Variants in EXOC4 observed in about 807,000 individuals in gnomAD.
The protein encoded by EXOC4 is exocyst complex component 4.
In EXOC4, 71 loss-of-function variants were observed where a neutral mutation model predicts 107.2. The observed-to-expected ratio is 0.66, with a 90% confidence interval of 0.55 to 0.81. The LOEUF is 0.81. Ranked by LOEUF, EXOC4 falls within the 30% of genes least tolerant of loss-of-function variation. The probability of loss-of-function intolerance (pLI) is 0.00; values close to 1 mark genes in which losing one functional copy is unlikely to be tolerated. For synonymous variants in EXOC4, 456 were observed against 441.2 expected (o/e 1.03, Z -0.42); for missense variants, 1,108 against 1,189.6 (o/e 0.93, Z 1.01).
intron 9 of EXOC4, among the ~76,000 whole-genome samples, chr7:133,520,668 G>A (rs993478665): frequency 2.6e-4 from 39 of 151,968 alleles, no homozygotes; most frequent in Non-Finnish European, 1.5e-4. Context: ...TCAATTACAG[G>A]GGAGATCTTT....
chr7:133,698,281 C>T (rs758169031), intron 10 of EXOC4, among the ~76,000 whole-genome samples: 2 of 151,998 alleles, frequency 1.3e-5, no homozygotes, highest in Non-Finnish European at 2.9e-5. Context: ...AGTGCCTTCA[C>T]TTCTGTGTTG....
intron 10 of EXOC4, among the ~76,000 whole-genome samples, chr7:133,685,797 G>GT (rs1794285491): frequency 6.6e-6 from 1 of 152,092 alleles, no homozygotes; most frequent in Non-Finnish European, 1.5e-5. Context: ...ATATTGCGTA[G>GT]TGGTGCAGTC....
intron 13 of EXOC4, among the ~76,000 whole-genome samples, chr7:133,932,562 C>T (rs754692012): frequency 6.6e-6 from 1 of 152,190 alleles, no homozygotes; most frequent in African/African-American, 2.4e-5. Flanking sequence ...TCTATACTAT[C>T]TCCAAATATA....
chr7:134,085,551 C>G, the EXOC4 span, among the ~76,000 whole-genome samples: 1 of 152,184 alleles, frequency 6.6e-6, no homozygotes, highest in African/African-American at 2.4e-5. Context: ...AAATGAGCAG[C>G]CTTACAGCCA....
At chr7:133,505,254 A>G (rs1418590092) in intron 9 of EXOC4, among the ~76,000 whole-genome samples, 5 of 152,080 alleles carry the variant, frequency 3.3e-5, no homozygotes, top group African/African-American at 9.7e-5. Context: ...CATTTAAATG[A>G]GTTCTTAATG....
At chr7:133,268,822 C>T (rs1370009806) in intron 1 of EXOC4, among the ~76,000 whole-genome samples, 1 of 151,894 alleles carries the variant, frequency 6.6e-6, no homozygotes, top group Non-Finnish European at 1.5e-5. Context: ...TCCTTTTAGC[C>T]CTTTAGGTAA....
intron 14 of EXOC4, among the ~76,000 whole-genome samples, chr7:133,989,781 A>C (rs1794205548): frequency 6.6e-6 from 1 of 152,162 alleles, no homozygotes; most frequent in African/African-American, 2.4e-5. Context: ...GGAGAAAGTC[A>C]GTGTTGAGAT....
chr7:134,052,075 G>C (rs1371394339), intron 17 of EXOC4, among the ~76,000 whole-genome samples: 2 of 152,210 alleles, frequency 1.3e-5, no homozygotes, highest in East Asian at 3.8e-4. Context: ...AGGAAAAGCT[G>C]CTGTGCGTGT....
At chr7:133,599,063 AT>A (rs1381929555) in intron 9 of EXOC4, among the ~76,000 whole-genome samples, 2 of 152,168 alleles carry the variant, frequency 1.3e-5, no homozygotes, top group African/African-American at 2.4e-5. Context: ...TATGAATAAA[AT>A]ATCTCAGTTT....
chr7:134,073,656 G>A, the EXOC4 span, among the ~76,000 whole-genome samples: 1 of 149,054 alleles, frequency 6.7e-6, no homozygotes, highest in African/African-American at 2.6e-5. Context: ...TGAGAAAAAT[G>A]TCACATTCTT....
At chr7:134,092,194 G>C in the EXOC4 span, among the ~76,000 whole-genome samples, 26 of 152,112 alleles carry the variant, frequency 1.7e-4, no homozygotes, top group African/African-American at 6.3e-4. Context: ...TAGTGGTGAT[G>C]CCTCCAGAAC....
chr7:133,275,104 C>T lies in EXOC4; in HGVS notation c.209C>T (p.Thr70Met), dbSNP rs1290075190. ...ATTGTACAGCACTACACAGAATTGA[C>T]GACAGCCATTCGCACATACCAGAGC... ...ELIVQHYTEL[T>M]TAIRTYQSIT... The change falls in exon 2 of 18, where the codon ACG becomes ATG. Residue 70 changes from threonine (T) to methionine (M), a missense_variant. Thr to Met is a moderately conservative substitution (Grantham distance 81). Transcript: ENST00000253861. The T allele has an allele frequency of 3.7e-6, 6 of 1,613,608 alleles. No homozygotes were observed. Among genetic ancestry groups the T allele is most frequent in the East Asian group, 2.2e-5 (1 of 44,884 alleles).
chr7:133,644,181 T>C (rs1031730110), intron 10 of EXOC4, among the ~76,000 whole-genome samples: 99 of 152,384 alleles, frequency 6.5e-4, no homozygotes, highest in African/African-American at 2.3e-3. Context: ...TAAGTAGGTA[T>C]GCAGTAGGCT....
intron 6 of EXOC4, among the ~76,000 whole-genome samples, chr7:133,367,107 A>T (rs1796264685): frequency 6.6e-6 from 1 of 152,178 alleles, no homozygotes; most frequent in Non-Finnish European, 1.5e-5. Flanking sequence ...GAAGAATATG[A>T]TGAGTTCCAT....
chr7:133,412,283 T>TG (rs1271829408), intron 7 of EXOC4, among the ~76,000 whole-genome samples: 1 of 144,424 alleles, frequency 6.9e-6, no homozygotes, highest in African/African-American at 2.5e-5. Flanking sequence ...ATTCAGTTTT[T>TG]TTTTTTTTTT....
At chr7:134,073,235 A>G in the EXOC4 span, among the ~76,000 whole-genome samples, 1 of 2,116 alleles carries the variant, frequency 4.7e-4, no homozygotes, top group Non-Finnish European at 8.1e-4. Context: ...AAAAAAAACA[A>G]CAAAGAAAGG....
At chr7:133,449,721 T>TTTTG (rs1554454833) in intron 7 of EXOC4, among the ~76,000 whole-genome samples, 1 of 147,890 alleles carries the variant, frequency 6.8e-6, no homozygotes, top group Non-Finnish European at 1.5e-5. Context: ...GAAAATACAT[T>TTTTG]TGTGTGTGTG....
chr7:133,821,794 G>A (rs1036266988), intron 11 of EXOC4, among the ~76,000 whole-genome samples: 4 of 151,980 alleles, frequency 2.6e-5, no homozygotes, highest in Non-Finnish European at 5.9e-5. Context: ...GTTACAGTTG[G>A]GTCTCTCCTA....
intron 10 of EXOC4, among the ~76,000 whole-genome samples, chr7:133,649,556 G>T (rs1803086380): frequency 6.7e-6 from 1 of 149,656 alleles, no homozygotes; most frequent in African/African-American, 2.5e-5. Context: ...GGGATGGAAT[G>T]GTGTACCCCA....
Sources: gnomAD v4.1 joint callset for allele counts (sites outside exome capture counted in the v4.1 genomes callset) on GRCh38, gnomAD v4.1.1 for gene constraint, MANE v1.5 for transcripts, NCBI Gene and HGNC (gene_info 2026-07-23, HGNC 2026-07-21) for gene names.